The following CRACD variants were observed in gnomAD, a reference collection of about 807,000 sequenced individuals.
CRACD encodes the protein capping protein inhibiting regulator of actin dynamics, also known as capping protein-inhibiting regulator of actin dynamics.
In CRACD, 56 loss-of-function variants were observed where a neutral mutation model predicts 106.8. That is an observed-to-expected ratio of 0.52 (90% CI 0.42 to 0.66). The LOEUF (loss-of-function observed/expected upper bound fraction) is 0.66, where lower values mean the gene tolerates loss of function less well. Among genes scored for constraint, CRACD ranks in the 30% least tolerant of loss-of-function variants. CRACD has a pLI of 0.00. For synonymous variants in CRACD, 754 were observed against 670.8 expected (o/e 1.12, Z -1.92); for missense variants, 1,730 against 1,623.2 (o/e 1.07, Z -1.13).
intron 1 of CRACD, among the ~76,000 whole-genome samples, chr4:56,146,499 A>G (rs1036605261): frequency 2.0e-5 from 3 of 151,590 alleles, no homozygotes; most frequent in East Asian, 1.9e-4. Context: ...TACATGTGCC[A>G]TGCTGGTGTG....
intron 10 of CRACD, 97 bp from the exon 11 acceptor site, chr4:56,327,547 C>A: frequency 9.4e-7 from 1 of 1,065,042 alleles, no homozygotes. Context: ...TACAGTTTGT[C>A]ATGATAAATA....
intron 8 of CRACD, among the ~76,000 whole-genome samples, chr4:56,322,751 G>A (rs1237969913): frequency 1.3e-5 from 2 of 152,198 alleles, no homozygotes; most frequent in South Asian, 2.1e-4. Flanking sequence ...AATTAGGGCC[G>A]GGTGCAATGG....
At chr4:56,213,307 G>T (rs190126667) in intron 2 of CRACD, among the ~76,000 whole-genome samples, 1 of 152,086 alleles carries the variant, frequency 6.6e-6, no homozygotes, top group Non-Finnish European at 1.5e-5. Flanking sequence ...TTAGCCAGTC[G>T]TAGTGGCGTA....
intron 2 of CRACD, among the ~76,000 whole-genome samples, chr4:56,194,132 T>C (rs1489812303): frequency 6.6e-6 from 1 of 152,182 alleles, no homozygotes; most frequent in African/African-American, 2.4e-5. Context: ...AAGGACAAAG[T>C]CACAGGCAAG....
intron 1 of CRACD, among the ~76,000 whole-genome samples, chr4:56,152,132 C>T (rs1208948839): frequency 6.6e-6 from 1 of 151,226 alleles, no homozygotes; most frequent in Non-Finnish European, 1.5e-5. Flanking sequence ...GCCTCAGCCT[C>T]CCGAGTAGCT....
intron 6 of CRACD, among the ~76,000 whole-genome samples, chr4:56,311,815 G>A (rs370802761): frequency 7.2e-4 from 110 of 152,242 alleles, no homozygotes; most frequent in Middle Eastern, 3.4e-3. Context: ...GCATAGTGCC[G>A]CACCCCCTGC....
chr4:56,214,706 ATTT>A (rs1241460898), intron 2 of CRACD, among the ~76,000 whole-genome samples: 1 of 80,416 alleles, frequency 1.2e-5, no homozygotes, highest in Admixed American at 1.3e-4. Flanking sequence ...TCAAACAGTT[ATTT>A]TTTTTTAAGA....
At position 56,255,133 on chromosome 4, in the gene CRACD, A is replaced by AAAAAT. The variant is rs60416477; in HGVS notation, c.-188-17187_-188-17186insAAATA. Among the ~76,000 whole-genome samples, 183 of 138,822 alleles carry AAAAAT rather than the reference A, an allele frequency of 1.3e-3. 1 individual carries two copies. The highest frequency in any genetic ancestry group is 4.6e-3 in the East Asian group (20 of 4,382). 91.1% of individuals were successfully genotyped at this position (138,822 alleles called of 152,430 possible). On this transcript the variant is annotated intron_variant, in intron 2 of 10. Transcript: ENST00000682029. Reference sequence around the variant, plus strand: ...CATCTCAAAAAAAAAAAAAAAAAAAAACTAAAAATTGGCCAATGAAATCAT... The same window carrying AAAAAT: ...CATCTCAAAAAAAAAAAAAAAAAAAAAAAATACTAAAAATTGGCCAATGAAATCAT...
chr4:56,320,607 T>G (rs1200410717), intron 8 of CRACD: 1 of 152,230 alleles, frequency 6.6e-6, no homozygotes, highest in Admixed American at 6.5e-5. Flanking sequence ...CTTACAGACA[T>G]GGACAGCAGT....
intron 10 of CRACD, among the ~76,000 whole-genome samples, chr4:56,324,627 C>T (rs903669969): frequency 2.6e-5 from 4 of 152,162 alleles, no homozygotes; most frequent in Non-Finnish European, 4.4e-5. Context: ...ACGTTTAGCA[C>T]GGCAGTATGA....
intron 2 of CRACD, among the ~76,000 whole-genome samples, chr4:56,188,734 AGG>A (rs1491108334): frequency 7.1e-6 from 1 of 140,290 alleles, no homozygotes; most frequent in Non-Finnish European, 1.6e-5. Context: ...AGAGAGAGAG[AGG>A]GGTTAACATT....
In CRACD at chr4:56,059,650, A is replaced by G. The variant is rs574715121; in HGVS notation, c.-336+10351A>G. On this transcript the variant is annotated intron_variant, in intron 1 of 10. Coordinates refer to ENST00000682029, the MANE Select transcript of CRACD (RefSeq NM_001393381.1). ...AAGTACAGATTGCTTGAATGTGACA[A>G]TGGTAGGTCTCGGCCCAAACTATTT... Among the ~76,000 whole-genome samples the G allele has an allele frequency of 6.6e-5, 10 of 152,190 alleles. No individual in the cohort carries two copies. The East Asian group carries it at 7.7e-4, about 12-fold the overall frequency.
At chr4:56,110,496 C>G (rs34771783) in intron 1 of CRACD, among the ~76,000 whole-genome samples, 14,513 of 152,132 alleles carry the variant, frequency 0.095, 750 homozygotes, top group East Asian at 0.18. Context: ...TTGCAGTAGG[C>G]TTAGACTAGA....
intron 2 of CRACD, among the ~76,000 whole-genome samples, chr4:56,240,088 ACT>A (rs1740275776): frequency 6.6e-6 from 1 of 152,144 alleles, no homozygotes; most frequent in African/African-American, 2.4e-5. Context: ...CATACTAGAC[ACT>A]GATAATACAG....
At chr4:56,163,485 CAT>C (rs1404170209) in intron 1 of CRACD, among the ~76,000 whole-genome samples, 4 of 151,866 alleles carry the variant, frequency 2.6e-5, no homozygotes, top group Non-Finnish European at 5.9e-5. Context: ...ATCCTTTGTT[CAT>C]ATAGAGTCCC....
At chr4:56,313,519 T>TG in intron 7 of CRACD, 140 bp downstream of exon 7, 1 of 726,180 alleles carries the variant, frequency 1.4e-6, no homozygotes, top group Non-Finnish European at 2.2e-6. Flanking sequence ...GTGGCGGTGT[T>TG]GGGGAATACA....
At chr4:56,180,962 T>C (rs1736796862) in intron 2 of CRACD, among the ~76,000 whole-genome samples, 1 of 152,128 alleles carries the variant, frequency 6.6e-6, no homozygotes, top group African/African-American at 2.4e-5. Flanking sequence ...ACGGCTTCTG[T>C]AATAATTAAA....
chr4:56,128,902 A>G (rs1365920668), intron 1 of CRACD, among the ~76,000 whole-genome samples: 1 of 152,206 alleles, frequency 6.6e-6, no homozygotes, highest in Non-Finnish European at 1.5e-5. Context: ...TTGGGTCAGT[A>G]AGAAAAAATA....
chr4:56,238,006 A>G (rs937517102), intron 2 of CRACD, among the ~76,000 whole-genome samples: 8 of 152,120 alleles, frequency 5.3e-5, no homozygotes, highest in African/African-American at 1.9e-4. Context: ...TTGTTTATCT[A>G]TCCATCCAGA....
Sources: gnomAD v4.1 joint callset for allele counts (sites outside exome capture counted in the v4.1 genomes callset) on GRCh38, gnomAD v4.1.1 for gene constraint, MANE v1.5 for transcripts, NCBI Gene and HGNC (gene_info 2026-07-23, HGNC 2026-07-21) for gene names.